SND1: variants seen among roughly 807,000 people sequenced by gnomAD.
The protein encoded by SND1 is staphylococcal nuclease and tudor domain containing 1.
Under a neutral mutation model 121.7 loss-of-function variants are expected in SND1, and 38 were observed. That is an observed-to-expected ratio of 0.31 (90% CI 0.24 to 0.41). The LOEUF is 0.41. Ranked by LOEUF, SND1 falls within the 10% of genes least tolerant of loss-of-function variation. The probability of loss-of-function intolerance (pLI) is 1.00; values close to 1 mark genes in which losing one functional copy is unlikely to be tolerated. For synonymous variants in SND1, 401 were observed against 447.4 expected, an observed-to-expected ratio of 0.90 and a Z score of 1.31; for missense variants, 868 against 1,184.6, an observed-to-expected ratio of 0.73 and a Z score of 3.92.
intron 11 of SND1, among the ~76,000 whole-genome samples, chr7:127,817,087 T>C (rs1416684952): frequency 6.6e-6 from 1 of 152,214 alleles, no homozygotes. Context: ...TGGGTACCTT[T>C]GTAGAGGTGC....
chr7:128,066,411 G>A (rs571518117), intron 16 of SND1, among the ~76,000 whole-genome samples: 5 of 152,336 alleles, frequency 3.3e-5, no homozygotes, highest in South Asian at 2.1e-4. Flanking sequence ...TGTGGGCTGC[G>A]CTTGAAAGAG....
intron 14 of SND1, among the ~76,000 whole-genome samples, chr7:127,909,230 T>A (rs547696141): frequency 6.6e-6 from 1 of 152,330 alleles, no homozygotes; most frequent in East Asian, 1.9e-4. Context: ...GAATATATTC[T>A]GCCATTTCAT....
chr7:127,764,038 C>CAAAAAAAAAAAAAAAAAAA (rs60053474), intron 10 of SND1, among the ~76,000 whole-genome samples: 4 of 76,480 alleles, frequency 5.2e-5, no homozygotes, highest in Admixed American at 1.6e-4. Context: ...GACCCTGTCG[C>CAAAAAAAAAAAAAAAAAAA]AAAAAAAAAA....
At chr7:127,899,277 A>AACAC (rs3840645) in intron 13 of SND1, among the ~76,000 whole-genome samples, 5,980 of 149,836 alleles carry the variant, frequency 0.04, 175 homozygotes, top group East Asian at 0.12. Context: ...ACCTGCACAC[A>AACAC]ACACACACAC....
At chr7:128,049,807 G>A (rs1183093759) in intron 16 of SND1, among the ~76,000 whole-genome samples, 1 of 152,214 alleles carries the variant, frequency 6.6e-6, no homozygotes, top group Non-Finnish European at 1.5e-5. Context: ...AGCAACGTAT[G>A]CAGGAGAGGA....
At chr7:127,883,909 A>G (rs1402829846) in intron 12 of SND1, among the ~76,000 whole-genome samples, 1 of 152,110 alleles carries the variant, frequency 6.6e-6, no homozygotes, top group East Asian at 1.9e-4. Context: ...AGTCTTGATC[A>G]TTTGATTTGA....
In SND1 at chr7:128,016,807, TTA is replaced by T. The variant is rs1239894826; in HGVS notation, c.1779+25752_1779+25753del. On this transcript the variant is annotated intron_variant, in intron 16 of 23. Coordinates refer to ENST00000354725, the MANE Select transcript of SND1 (RefSeq NM_014390.4). ...CCTGTTACAATTGTTACTTAACCTC[TTA>T]ACCATAGGAAACTTGCTTTCTTGGA... Among the ~76,000 whole-genome samples the T allele has an allele frequency of 7.2e-5, 11 of 152,254 alleles. No individual in the cohort carries two copies. In the South Asian group the frequency reaches 8.3e-4, roughly 11 times the overall value.
intron 16 of SND1, among the ~76,000 whole-genome samples, chr7:128,070,280 A>G (rs1793386921): frequency 6.6e-6 from 1 of 152,240 alleles, no homozygotes; most frequent in Non-Finnish European, 1.5e-5. Context: ...ATGGGCACTA[A>G]GTAGAGGGGA....
At chr7:127,717,874 T>C (rs1013907818) in intron 9 of SND1, among the ~76,000 whole-genome samples, 8 of 152,112 alleles carry the variant, frequency 5.3e-5, no homozygotes, top group African/African-American at 1.7e-4. Flanking sequence ...GTTTTCAGAA[T>C]CTGAATAACA....
At chr7:128,037,947 G>C (rs906314812) in intron 16 of SND1, among the ~76,000 whole-genome samples, 3 of 152,118 alleles carry the variant, frequency 2.0e-5, no homozygotes, top group Non-Finnish European at 4.4e-5. Context: ...GTACCTCCTG[G>C]CATTGCCACC....
chr7:127,752,963 AAGGAAT>A (rs1383540889), intron 10 of SND1, among the ~76,000 whole-genome samples: 2 of 152,154 alleles, frequency 1.3e-5, no homozygotes, highest in African/African-American at 2.4e-5. Flanking sequence ...ATCGTTGTCT[AAGGAAT>A]ATCTGCTTGA....
At chr7:127,745,772 G>A (rs535726605) in intron 10 of SND1, among the ~76,000 whole-genome samples, 1 of 152,252 alleles carries the variant, frequency 6.6e-6, no homozygotes, top group Admixed American at 6.5e-5. Context: ...CATAGACTTA[G>A]TAAGTTTGTG....
At chr7:127,728,808 C>T (rs975190726) in intron 10 of SND1, among the ~76,000 whole-genome samples, 7 of 152,142 alleles carry the variant, frequency 4.6e-5, no homozygotes, top group African/African-American at 1.7e-4. Flanking sequence ...TCATTTTTAC[C>T]ACCTCCCAAT....
intron 16 of SND1, among the ~76,000 whole-genome samples, chr7:128,000,713 G>C (rs1023955769): frequency 3.3e-5 from 5 of 152,090 alleles, no homozygotes; most frequent in African/African-American, 1.2e-4. Context: ...CAGGCTTCAG[G>C]CCTCCCTGTT....
intron 15 of SND1, among the ~76,000 whole-genome samples, chr7:127,951,321 G>A (rs1362736682): frequency 6.6e-6 from 1 of 152,162 alleles, no homozygotes; most frequent in Non-Finnish European, 1.5e-5. Flanking sequence ...CAAGCCAGTC[G>A]CAGGACAAAT....
At chr7:128,006,359 G>C (rs543522898) in intron 16 of SND1, among the ~76,000 whole-genome samples, 2 of 152,252 alleles carry the variant, frequency 1.3e-5, no homozygotes, top group South Asian at 4.1e-4. Context: ...GCCTCACTGG[G>C]AACAGTCTCT....
intron 11 of SND1, among the ~76,000 whole-genome samples, chr7:127,816,598 C>G (rs1019277188): frequency 6.6e-6 from 1 of 151,250 alleles, no homozygotes; most frequent in Non-Finnish European, 1.5e-5. Flanking sequence ...TAAACACTTG[C>G]TATGTTAAGA....
intron 16 of SND1, chr7:128,030,664 C>T: frequency 6.5e-7 from 1 of 1,527,854 alleles, no homozygotes; most frequent in Non-Finnish European, 8.8e-7. Context: ...CATAATTCAC[C>T]ATCGCCTGGG....
chr7:127,953,083 G>A (rs1199502876), intron 15 of SND1, among the ~76,000 whole-genome samples: 1 of 151,884 alleles, frequency 6.6e-6, no homozygotes, highest in Non-Finnish European at 1.5e-5. Flanking sequence ...AGGATCACTT[G>A]AGCCTGGGAG....
Sources: gnomAD v4.1 joint callset for allele counts (sites outside exome capture counted in the v4.1 genomes callset) on GRCh38, gnomAD v4.1.1 for gene constraint, MANE v1.5 for transcripts, NCBI Gene and HGNC (gene_info 2026-07-23, HGNC 2026-07-21) for gene names.